Variants in PCDHB4 observed in about 807,000 individuals in gnomAD.
PCDHB4 encodes the protein protocadherin beta 4, also known as protocadherin beta-4.
For synonymous variants in PCDHB4, 482 were observed against 447.3 expected (o/e 1.08, Z -0.98); for missense variants, 1,063 against 1,007.0 (o/e 1.06, Z -0.75).
In PCDHB4 at chr5:141,123,972, C is replaced by G. The variant is rs1554274681; in HGVS notation, c.1974C>G (p.His658Gln). 6.2e-7 allele frequency: 1 copy of G among 1,604,488 alleles called. No homozygotes were observed. Among genetic ancestry groups the G allele is most frequent in the South Asian group, 1.1e-5 (1 of 90,988 alleles). The change falls in exon 1 of 1, where the codon CAC becomes CAG. Residue 658 changes from histidine (H) to glutamine (Q), a missense_variant. Transcript: ENST00000194152. ...EPPRSATATL[H>Q]VLLVDGFSQP... is the part of the protein sequence containing the mutation. Reference sequence around the variant, plus strand: ...CGCGCTCGGCCACCGCCACGCTGCACGTGCTCCTGGTGGATGGCTTCTCCC... The same window carrying G: ...CGCGCTCGGCCACCGCCACGCTGCAGGTGCTCCTGGTGGATGGCTTCTCCC...
In PCDHB4 at chr5:141,122,111, CAGAG is replaced by C; in HGVS notation, c.116_119del (p.Glu39AlafsTer5). 2.5e-6 allele frequency: 4 copies of C among 1,614,182 alleles called. No individual in the cohort carries two copies. The highest frequency in any genetic ancestry group is 2.5e-6 in the Non-Finnish European group (3 of 1,180,048). ...ATTCGTTATTCTGTGTTGGAGGAAA[CAGAG>C]AGCGGCTCCTTTGTAGCCCATCTGG... On this transcript the variant is annotated frameshift_variant, in exon 1 of 1. Transcript: ENST00000194152. LOFTEE classifies it low-confidence loss of function (END_TRUNC).
Position 141,122,841 on chromosome 5 carries a change from C to G in PCDHB4, c.843C>G (p.Phe281Leu). ...GNFGSVSYGL[F>L]QASDEIKQTF... ...TCGGGAGTGTTTCTTATGGCTTATTCCAAGCATCAGATGAAATTAAACAAA... is the reference window on the plus strand; with the variant it reads ...TCGGGAGTGTTTCTTATGGCTTATTGCAAGCATCAGATGAAATTAAACAAA... Residue 281 changes from phenylalanine to leucine, a missense_variant, in exon 1 of 1, where the codon TTC becomes TTG. Coordinates refer to ENST00000194152, the MANE Select transcript of PCDHB4 (RefSeq NM_018938.4). 1 of 1,613,670 alleles carries G rather than the reference C, an allele frequency of 6.2e-7. No individual in the cohort carries two copies. The highest frequency in any genetic ancestry group is 1.1e-5 in the South Asian group (1 of 91,060).
Position 141,124,797 on chromosome 5 carries a change from G to A in PCDHB4, c.*411G>A, listed in dbSNP as rs1752383858. ...AACTTAATGTTTGCAAGGCCAGAGT[G>A]TTTGAAAGTTTTGTATTTAACTTTA... On this transcript the variant is annotated 3_prime_UTR_variant, in exon 1 of 1. Coordinates refer to ENST00000194152, the MANE Select transcript of PCDHB4 (RefSeq NM_018938.4). 1 of 156,434 alleles carries A rather than the reference G, an allele frequency of 6.4e-6. No homozygotes were observed. The highest frequency in any genetic ancestry group is 2.4e-5 in the African/African-American group (1 of 41,498). 9.7% of individuals were successfully genotyped at this position (156,434 alleles called of 1,614,324 possible). A position where few individuals can be genotyped will look rare whatever the true frequency, so the allele number is the denominator to read the frequency against.
Position 141,124,355 on chromosome 5 carries a change from C to G in PCDHB4, c.2357C>G (p.Pro786Arg). The change falls in exon 1 of 1, where the codon CCC becomes CGC. Residue 786 changes from proline to arginine, a missense_variant. Pro to Arg is a moderately radical substitution (Grantham distance 103, BLOSUM62 -2). Transcript: ENST00000194152. Reference protein sequence around the residue: ...QDTGREVKENPKFRNSLVFS With the variant: ...QDTGREVKENRKFRNSLVFS ...ACCGGGAGGGAAGTTAAGGAAAACCCCAAGTTCAGAAATAGCTTGGTATTC... is the reference window on the plus strand; with the variant it reads ...ACCGGGAGGGAAGTTAAGGAAAACCGCAAGTTCAGAAATAGCTTGGTATTC... 6.2e-7 allele frequency: 1 copy of G among 1,612,146 alleles called. No individual in the cohort carries two copies. Among genetic ancestry groups the G allele is most frequent in the Non-Finnish European group, 8.5e-7 (1 of 1,179,182 alleles).
Position 141,122,779 on chromosome 5 carries a change from G to T in PCDHB4, c.781G>T (p.Val261Phe), listed in dbSNP as rs911555960. ...LENSPLDSPIVRVLARDIDAG... is the reference protein window; with the variant it reads ...LENSPLDSPIFRVLARDIDAG... ...AAACAGCCCCCTAGACTCTCCAATT[G>T]TTAGGGTCTTAGCTAGAGATATAGA... Residue 261 changes from valine to phenylalanine, a missense_variant, in exon 1 of 1, where the codon GTT (valine) becomes TTT (phenylalanine). Physicochemically the swap from Val to Phe is conservative, Grantham distance 50 (BLOSUM62 -1). Coordinates refer to ENST00000194152, the MANE Select transcript of PCDHB4 (RefSeq NM_018938.4). 1 of 1,613,996 alleles carries T rather than the reference G, an allele frequency of 6.2e-7. No homozygotes were observed. The highest frequency in any genetic ancestry group is 1.3e-5 in the African/African-American group (1 of 74,908).
At position 141,124,082 on chromosome 5, in the gene PCDHB4, C is replaced by G; in HGVS notation, c.2084C>G (p.Ser695Trp). 1.9e-6 allele frequency: 3 copies of G among 1,608,246 alleles called. No homozygotes were observed. The highest frequency in any genetic ancestry group is 1.7e-6 in the Non-Finnish European group (2 of 1,179,792). Residue 695 changes from serine to tryptophan, a missense_variant, in exon 1 of 1, where the codon TCG becomes TGG. Coordinates refer to ENST00000194152, the MANE Select transcript of PCDHB4 (RefSeq NM_018938.4). ...GTCTACCTGGTGGTGGCGTTGGCCT[C>G]GGTGTCGTCGCTCTTCCTCTTCTCG... is the stretch of plus-strand genomic sequence containing the variant. ...LTVYLVVALA[S>W]VSSLFLFSVL...
rs782721248 is a variant in PCDHB4, at chr5:141,123,615, T to G, written c.1617T>G (p.Ala539=). Reference sequence around the variant, plus strand: ...GCGCCTCAGACCGCGGTTCTCCGGCTTTGAGCAGCGAGGCGCTGGTGCGCG... The same window carrying G: ...GCGCCTCAGACCGCGGTTCTCCGGCGTTGAGCAGCGAGGCGCTGGTGCGCG... ...RVGASDRGSP[A]LSSEALVRVL... is the part of the protein sequence containing the mutation. The change falls in exon 1 of 1, where the codon GCT becomes GCG. Residue 539 remains alanine (A), a synonymous_variant. Transcript: ENST00000194152. 29 of 1,612,094 alleles carry G rather than the reference T, an allele frequency of 1.8e-5. No homozygotes were observed. Among genetic ancestry groups the G allele is most frequent in the Middle Eastern group, 2.2e-4 (1 of 4,612 alleles).
Position 141,123,056 on chromosome 5 carries a change from G to A in PCDHB4, c.1058G>A (p.Ser353Asn), listed in dbSNP as rs1554274471. 3.7e-6 allele frequency: 6 copies of A among 1,613,728 alleles called. No individual in the cohort carries two copies. Among genetic ancestry groups the A allele is most frequent in the Non-Finnish European group, 3.4e-6 (4 of 1,179,860 alleles). ...GAACTTATCATATCTTCACTCACCA[G>A]CTCCATCCCAGAAAATGCTCCTGAG... The part of the protein sequence containing the change: ...PPELIISSLT[S>N]SIPENAPETV... The change falls in exon 1 of 1, where the codon AGC becomes AAC. Residue 353 changes from serine to asparagine, a missense_variant. Transcript: ENST00000194152.
In PCDHB4 at chr5:141,122,956, G is replaced by T. The variant is rs146790770; in HGVS notation, c.958G>T (p.Ala320Ser). ...TAAATCTTACCATGTAGAAATTGAG[G>T]CCACAGATGGAGGAGGCCTTTCTGG... ...KIKSYHVEIE[A>S]TDGGGLSGKG... The change falls in exon 1 of 1, where the codon GCC becomes TCC. Residue 320 changes from alanine to serine, a missense_variant. Ala to Ser is a moderately conservative substitution (Grantham distance 99). Coordinates refer to ENST00000194152, the MANE Select transcript of PCDHB4 (RefSeq NM_018938.4). 300 of 1,611,902 alleles carry T rather than the reference G, an allele frequency of 1.9e-4. No individual in the cohort carries two copies. The highest frequency in any genetic ancestry group is 5.9e-4 in the Admixed American group (35 of 59,442).
At position 141,124,107 on chromosome 5, in the gene PCDHB4, G is replaced by T. The variant is rs149213680; in HGVS notation, c.2109G>T (p.Ser703=). The T allele has an allele frequency of 6.2e-7, 1 of 1,609,880 alleles. No homozygotes were observed. The highest frequency in any genetic ancestry group is 8.5e-7 in the Non-Finnish European group (1 of 1,179,836). The change falls in exon 1 of 1, where the codon TCG becomes TCT. Residue 703 remains serine, a synonymous_variant. Transcript: ENST00000194152. The part of the protein sequence containing the change: ...LASVSSLFLF[S]VLLFVAVRLC... ...CGGTGTCGTCGCTCTTCCTCTTCTC[G>T]GTGCTCCTGTTCGTGGCGGTGCGGC... is the stretch of plus-strand genomic sequence containing the variant.
chr5:141,124,334 G>A lies in PCDHB4; in HGVS notation c.2336G>A (p.Gly779Glu). ...CCTAATCTCTTGGTTCAGGACACCG[G>A]GAGGGAAGTTAAGGAAAACCCCAAG... ...IFPNLLVQDT[G>E]REVKENPKFR... The change falls in exon 1 of 1, where the codon GGG (glycine) becomes GAG (glutamate). Residue 779 changes from glycine (G) to glutamate (E), a missense_variant. Physicochemically the swap from Gly to Glu is moderately conservative, Grantham distance 98. Coordinates refer to ENST00000194152, the MANE Select transcript of PCDHB4 (RefSeq NM_018938.4). 6.2e-7 allele frequency: 1 copy of A among 1,613,788 alleles called. No homozygotes were observed.
chr5:141,122,990 C>G lies in PCDHB4; in HGVS notation c.992C>G (p.Thr331Ser). Residue 331 changes from threonine to serine, a missense_variant, in exon 1 of 1, where the codon ACT (threonine) becomes AGT (serine). Transcript: ENST00000194152. ...TDGGGLSGKG[T>S]VVIEVVDVND... is the part of the protein sequence containing the mutation. ...GGAGGAGGCCTTTCTGGAAAAGGCA[C>G]TGTAGTCATAGAGGTGGTGGATGTG... 1 of 1,613,932 alleles carries G rather than the reference C, an allele frequency of 6.2e-7. No homozygotes were observed. The highest frequency in any genetic ancestry group is 8.5e-7 in the Non-Finnish European group (1 of 1,179,960).
At position 141,124,197 on chromosome 5, in the gene PCDHB4, G is replaced by T; in HGVS notation, c.2199G>T (p.Gly733=). 2 of 1,614,026 alleles carry T rather than the reference G, an allele frequency of 1.2e-6. No homozygotes were observed. Among genetic ancestry groups the T allele is most frequent in the Non-Finnish European group, 1.7e-6 (2 of 1,180,036 alleles). The part of the protein sequence containing the change: ...RCSVPEGPFP[G]HLVDVSGTGT... ...CGGTGCCCGAGGGCCCCTTTCCAGG[G>T]CATCTGGTGGACGTAAGCGGCACCG... The change falls in exon 1 of 1, where the codon GGG becomes GGT. Residue 733 remains glycine, a synonymous_variant. Coordinates refer to ENST00000194152, the MANE Select transcript of PCDHB4 (RefSeq NM_018938.4).
chr5:141,124,011 T>G lies in PCDHB4; in HGVS notation c.2013T>G (p.Pro671=), dbSNP rs555602617. 101 of 1,605,124 alleles carry G rather than the reference T, an allele frequency of 6.3e-5. 2 individuals carry two copies. The South Asian group carries it at 8.8e-4, about 14-fold the overall frequency. Residue 671 remains proline, a synonymous_variant, in exon 1 of 1, where the codon CCT becomes CCG. Transcript: ENST00000194152. ...ATGGCTTCTCCCAGCCCTACCTGCC[T>G]CTCCCTGAGGCGGCCCCGGCCCAGG... ...LVDGFSQPYL[P]LPEAAPAQAQ... is the part of the protein sequence containing the mutation.
chr5:141,123,486 C>T lies in PCDHB4; in HGVS notation c.1488C>T (p.His496=), dbSNP rs781994770. Residue 496 remains histidine (H), a synonymous_variant, in exon 1 of 1, where the codon CAC becomes CAT. Coordinates refer to ENST00000194152, the MANE Select transcript of PCDHB4 (RefSeq NM_018938.4). ...TYSLLPPQDP[H]LPLASLVSIN... The stretch of plus-strand genomic sequence containing the variant: ...CGCTGCTGCCGCCCCAGGACCCGCA[C>T]CTGCCCCTCGCCTCCCTGGTCTCCA... 1.2e-6 allele frequency: 2 copies of T among 1,613,300 alleles called. No homozygotes were observed. The highest frequency in any genetic ancestry group is 8.5e-7 in the Non-Finnish European group (1 of 1,180,034).
chr5:141,122,478 T>C lies in PCDHB4; in HGVS notation c.480T>C (p.Asp160=), dbSNP rs1340693797. 2.5e-6 allele frequency: 4 copies of C among 1,614,240 alleles called. No individual in the cohort carries two copies. The highest frequency in any genetic ancestry group is 3.4e-6 in the Non-Finnish European group (4 of 1,180,040). Residue 160 remains aspartate (D), a synonymous_variant, in exon 1 of 1, where the codon GAT becomes GAC. Coordinates refer to ENST00000194152, the MANE Select transcript of PCDHB4 (RefSeq NM_018938.4). ...LFPLLIAEDL[D]VGSNGLQKYT... is the part of the protein sequence containing the mutation. ...CGTTGCTAATAGCTGAGGATTTGGA[T>C]GTGGGCAGCAATGGTCTTCAAAAAT... is the stretch of plus-strand genomic sequence containing the variant.
rs1752307575 is a variant in PCDHB4, at chr5:141,122,554, G to A, written c.556G>A (p.Glu186Lys). Residue 186 changes from glutamate (E) to lysine (K), a missense_variant, in exon 1 of 1, where the codon GAG (glutamate) becomes AAG (lysine). By Grantham distance (56) the Glu-to-Lys change is moderately conservative (BLOSUM62 1). Coordinates refer to ENST00000194152, the MANE Select transcript of PCDHB4 (RefSeq NM_018938.4). ...HFHILTRNHS[E>K]GKKYPDLVQD... ...TCACATTCTCACTCGAAATCATAGT[G>A]AGGGCAAGAAATACCCAGATTTGGT... is the stretch of plus-strand genomic sequence containing the variant. The A allele has an allele frequency of 1.9e-6, 3 of 1,614,220 alleles. No homozygotes were observed. The South Asian group carries it at 3.3e-5, about 18-fold the overall frequency.
At position 141,123,233 on chromosome 5, in the gene PCDHB4, C is replaced by G; in HGVS notation, c.1235C>G (p.Thr412Ser). 6.2e-7 allele frequency: 1 copy of G among 1,614,176 alleles called. No homozygotes were observed. Among genetic ancestry groups the G allele is most frequent in the Non-Finnish European group, 8.5e-7 (1 of 1,180,048 alleles). Reference protein sequence around the residue: ...LVTERPLDRETSAEYNITIAV... With the variant: ...LVTERPLDRESSAEYNITIAV... ...ACAGAGAGACCACTGGACCGAGAGA[C>G]CAGCGCTGAGTACAACATCACCATC... The change falls in exon 1 of 1, where the codon ACC becomes AGC. Residue 412 changes from threonine (T) to serine (S), a missense_variant. Physicochemically the swap from Thr to Ser is moderately conservative, Grantham distance 58. Transcript: ENST00000194152.
rs782508300 is a variant in PCDHB4 at position 141,124,017 on chromosome 5, T to G, written c.2019T>G (p.Pro673=). 609 of 1,605,558 alleles carry G rather than the reference T, an allele frequency of 3.8e-4. 2 individuals carry two copies. Among genetic ancestry groups the G allele is most frequent in the African/African-American group, 6.7e-4 (50 of 74,876 alleles). Residue 673 remains proline (P), a synonymous_variant, in exon 1 of 1, where the codon CCT becomes CCG. Transcript: ENST00000194152. Reference sequence around the variant, plus strand: ...TCTCCCAGCCCTACCTGCCTCTCCCTGAGGCGGCCCCGGCCCAGGCCCAGG... The same window carrying G: ...TCTCCCAGCCCTACCTGCCTCTCCCGGAGGCGGCCCCGGCCCAGGCCCAGG... The part of the protein sequence containing the change: ...DGFSQPYLPL[P]EAAPAQAQAD...
Sources: gnomAD v4.1 joint callset for allele counts on GRCh38, gnomAD v4.1.1 for gene constraint, MANE v1.5 for transcripts, NCBI Gene and HGNC (gene_info 2026-07-23, HGNC 2026-07-21) for gene names.